Variants in SMC1A observed in about 807,000 individuals in gnomAD.
SMC1A encodes the protein structural maintenance of chromosomes protein 1A.
Under a neutral mutation model 94.5 loss-of-function variants are expected in SMC1A, and 4 were observed. The observed-to-expected ratio is 0.04, with a 90% confidence interval of 0.02 to 0.10. The LOEUF (loss-of-function observed/expected upper bound fraction) is 0.10. Among genes scored for constraint, SMC1A ranks in the 10% least tolerant of loss-of-function variants. SMC1A has a pLI of 1.00. For synonymous variants in SMC1A, 345 were observed against 347.7 expected, an observed-to-expected ratio of 0.99 and a Z score of 0.09; for missense variants, 304 against 989.0, an observed-to-expected ratio of 0.31 and a Z score of 9.29.
At position 53,382,390 on chromosome X, in the gene SMC1A, G is replaced by A. The variant is rs782657390; in HGVS notation, c.3286-7C>T. 6 of 1,203,681 alleles carry A rather than the reference G, an allele frequency of 5.0e-6. No individual in the cohort carries two copies. The highest frequency in any genetic ancestry group is 6.7e-6 in the Non-Finnish European group (6 of 890,982). On this transcript the variant is annotated splice_polypyrimidine_tract_variant and splice_region_variant and intron_variant, in intron 21 of 24. Coordinates refer to ENST00000322213, the MANE Select transcript of SMC1A (RefSeq NM_006306.4). ...TCTCAGGGCCCAGGAATGCCTAGGGGAAGGCAGATGGGTCAGGATCTGTAT... is the reference window on the plus strand; with the variant it reads ...TCTCAGGGCCCAGGAATGCCTAGGGAAAGGCAGATGGGTCAGGATCTGTAT...
At chrX:53,421,881 T>A (rs782719152) in intron 1 of SMC1A, 1 of 1,192,063 alleles carries the variant, frequency 8.4e-7, no homozygotes, top group Non-Finnish European at 1.1e-6. Flanking sequence ...AAAGGGCGAG[T>A]TCGAGGCAAC....
chrX:53,403,885 G>T lies in SMC1A; in HGVS notation c.2205C>A (p.Ser735=), dbSNP rs1388876894. ...AGTTGGCTAGCTCACTCTCCAGCTT[G>T]GATTTTTCCTACAGGCAATGGGTTG... The part of the protein sequence containing the change: ...RHLALNLQEK[S]KLESELANFG... The change falls in exon 14 of 25, where the codon TCC becomes TCA. Residue 735 remains serine (S), a synonymous_variant. Transcript: ENST00000322213. The T allele has an allele frequency of 1.7e-6, 2 of 1,195,116 alleles. No homozygotes were observed. Among genetic ancestry groups the T allele is most frequent in the Non-Finnish European group, 2.3e-6 (2 of 881,822 alleles).
At chrX:53,410,961 G>GGCAA (rs1306704724) in intron 7 of SMC1A, among the ~76,000 whole-genome samples, 1 of 8,476 alleles carries the variant, frequency 1.2e-4, no homozygotes, top group Non-Finnish European at 3.7e-4. Flanking sequence ...CAGGCATGGT[G>GGCAA]GCAAGCACAA....
intron 1 of SMC1A, among the ~76,000 whole-genome samples, chrX:53,420,747 A>T (rs190769545): frequency 1.8e-5 from 2 of 110,940 alleles, no homozygotes; most frequent in Admixed American, 9.6e-5. Flanking sequence ...AGGGAGGACA[A>T]CATCATCTCA....
At position 53,380,881 on chromosome X, in the gene SMC1A, T is replaced by C. The variant is rs909590407; in HGVS notation, c.3507+137A>G. On this transcript the variant is annotated intron_variant, in intron 23 of 24. Coordinates refer to ENST00000322213, the MANE Select transcript of SMC1A (RefSeq NM_006306.4). ...GAGGAGACTACTGACTACCACAGCATGGATGACTCTGGGCCCAGCCTCCCA... is the reference window on the plus strand; with the variant it reads ...GAGGAGACTACTGACTACCACAGCACGGATGACTCTGGGCCCAGCCTCCCA... 2.4e-5 allele frequency: 15 copies of C among 637,914 alleles called. No homozygotes were observed. The African/African-American group carries it at 3.3e-4, about 14-fold the overall frequency. The allele number at this position is 637,914 out of a possible 1,213,427, so 52.6% of individuals were successfully genotyped here.
intron 7 of SMC1A, among the ~76,000 whole-genome samples, chrX:53,411,262 G>A: frequency 9.0e-6 from 1 of 111,202 alleles, no homozygotes; most frequent in South Asian, 3.7e-4. Context: ...GTGCTCAACA[G>A]ATGTGAGCTA....
chrX:53,399,269 T>C (rs2075662780), intron 16 of SMC1A, among the ~76,000 whole-genome samples: 1 of 112,230 alleles, frequency 8.9e-6, no homozygotes, highest in Non-Finnish European at 1.9e-5. Flanking sequence ...TGGTCTCCTA[T>C]ACCATGGCTG....
At chrX:53,412,631 G>A (rs782174259) in intron 5 of SMC1A, among the ~76,000 whole-genome samples, 17 of 111,678 alleles carry the variant, frequency 1.5e-4, no homozygotes, top group African/African-American at 5.5e-4. Context: ...CCATTGGCTC[G>A]GCCTCACATT....
In SMC1A at chrX:53,412,088, C is replaced by A; in HGVS notation, c.1020G>T (p.Met340Ile). The A allele has an allele frequency of 8.3e-7, 1 of 1,211,590 alleles. No individual in the cohort carries two copies. Among genetic ancestry groups the A allele is most frequent in the Non-Finnish European group, 1.1e-6 (1 of 895,227 alleles). The change falls in exon 6 of 25, where the codon ATG becomes ATT. Residue 340 changes from methionine to isoleucine, a missense_variant. Transcript: ENST00000322213. ...CCTGCCGAGCCTTCTCCACTGACAG[C>A]ATCTCCTTCTCCAGCTCATCCATGT... ...KGDMDELEKE[M>I]LSVEKARQEF...
intron 19 of SMC1A, among the ~76,000 whole-genome samples, chrX:53,385,818 G>T (rs1449807330): frequency 8.0e-5 from 9 of 111,884 alleles, no homozygotes; most frequent in Non-Finnish European, 1.3e-4. Flanking sequence ...AACACATAAA[G>T]ATGTTATATA....
intron 19 of SMC1A, among the ~76,000 whole-genome samples, chrX:53,392,268 C>G (rs1428417034): frequency 4.6e-5 from 5 of 107,729 alleles, no homozygotes; most frequent in African/African-American, 1.7e-4. Flanking sequence ...GGCAGGTGCC[C>G]ATAGTCCCAG....
rs1359787073 is a variant in SMC1A at position 53,377,838 on chromosome X, A to T, written c.*2265T>A. ...TAGGCTCAGAGGTGAAGTAACTTGC[A>T]CAAGTTTCTACAGCTAGAATTTGAA... On this transcript the variant is annotated 3_prime_UTR_variant, in exon 25 of 25. Coordinates refer to ENST00000322213, the MANE Select transcript of SMC1A (RefSeq NM_006306.4). The T allele has an allele frequency of 8.9e-6, 1 of 112,203 alleles. No individual in the cohort carries two copies. The highest frequency in any genetic ancestry group is 9.6e-5 in the Admixed American group (1 of 10,470). The allele number at this position is 112,203 out of a possible 1,213,427, so 9.2% of individuals were successfully genotyped here.
At chrX:53,416,794 C>T (rs2075733991) in intron 1 of SMC1A, among the ~76,000 whole-genome samples, 1 of 111,123 alleles carries the variant, frequency 9.0e-6, no homozygotes, top group Admixed American at 9.6e-5. Flanking sequence ...TACTGAACTG[C>T]ACACTTAAAA....
chrX:53,416,314 AT>A (rs200918650), intron 1 of SMC1A, among the ~76,000 whole-genome samples: 3 of 106,247 alleles, frequency 2.8e-5, no homozygotes, highest in Admixed American at 1.0e-4. Flanking sequence ...AAAAAAAAAA[AT>A]AAAATAAAAT....
chrX:53,420,521 CAAAA>C (rs781807659), intron 1 of SMC1A, among the ~76,000 whole-genome samples: 1 of 49,780 alleles, frequency 2.0e-5, no homozygotes. Context: ...AAGACTGTCT[CAAAA>C]AAAAAAAAAA....
At chrX:53,402,009 T>TG (rs782684556) in intron 15 of SMC1A, among the ~76,000 whole-genome samples, 60 of 110,933 alleles carry the variant, frequency 5.4e-4, no homozygotes, top group Non-Finnish European at 1.0e-3. Flanking sequence ...TTCCTGTTGT[T>TG]GATTTGCAGT....
At chrX:53,421,344 G>C (rs2075754666) in intron 1 of SMC1A, among the ~76,000 whole-genome samples, 1 of 112,017 alleles carries the variant, frequency 8.9e-6, no homozygotes, top group Non-Finnish European at 1.9e-5. Flanking sequence ...ATCCTACAAT[G>C]CACAGAGCAC....
At chrX:53,405,992 G>A in intron 9 of SMC1A, 36 bp from the exon 10 acceptor site, 2 of 1,146,724 alleles carry the variant, frequency 1.7e-6, no homozygotes, top group Non-Finnish European at 2.4e-6. Context: ...GAAGTATGAA[G>A]CTTTTGGAAG....
At chrX:53,414,008 C>T (rs2075722825) in intron 3 of SMC1A, among the ~76,000 whole-genome samples, 1 of 100,016 alleles carries the variant, frequency 1.0e-5, no homozygotes, top group African/African-American at 3.7e-5. Flanking sequence ...ACCCTGGAGA[C>T]GGAGGTTGCA....
Sources: allele counts gnomAD v4.1 joint callset (sites outside exome capture counted in the v4.1 genomes callset), GRCh38; gene constraint gnomAD v4.1.1; transcripts MANE v1.5; gene names NCBI Gene and HGNC (gene_info 2026-07-23, HGNC 2026-07-21).